The following DOCK1 variants were observed in gnomAD, a reference collection of about 807,000 sequenced individuals.
DOCK1 encodes dedicator of cytokinesis 1, also known as dedicator of cytokinesis protein 1.
In DOCK1, 138 loss-of-function variants were observed where a neutral mutation model predicts 262.7. The observed-to-expected ratio is 0.53, with a 90% confidence interval of 0.46 to 0.61. The LOEUF (loss-of-function observed/expected upper bound fraction) is 0.61, where lower values mean the gene tolerates loss of function less well. DOCK1 is among the 20% of genes least tolerant of loss of function. The probability of loss-of-function intolerance (pLI) is 0.00; values close to 1 mark genes in which losing one functional copy is unlikely to be tolerated. For synonymous variants in DOCK1, 866 were observed against 867.4 expected, an observed-to-expected ratio of 1.00 and a Z score of 0.03; for missense variants, 1,908 against 2,370.7, an observed-to-expected ratio of 0.80 and a Z score of 4.05.
chr10:127,380,631 C>G (rs2065775043), intron 36 of DOCK1, among the ~76,000 whole-genome samples: 1 of 152,102 alleles, frequency 6.6e-6, no homozygotes, highest in South Asian at 2.1e-4. Context: ...CGCCTTGCTC[C>G]CTGGAGTGAG....
rs566566203 is a variant in DOCK1 at position 127,429,786 on chromosome 10, C to A, written c.4915-3497C>A. Among the ~76,000 whole-genome samples the A allele has an allele frequency of 1.7e-4, 26 of 151,730 alleles. 1 individual carries two copies. In the South Asian group the frequency reaches 2.1e-3, roughly 12 times the overall value. ...TGAGCCCGTGAGCACCTGCCACGTT[C>A]GGCATTGGCCCCCGTGCCCTCACCG... On this transcript the variant is annotated intron_variant, in intron 47 of 51. Coordinates refer to ENST00000623213, the MANE Select transcript of DOCK1 (RefSeq NM_001290223.2).
Position 127,175,190 on chromosome 10 carries a change from A to C in DOCK1, c.2847+47426A>C, listed in dbSNP as rs1430661668. 6.3e-7 allele frequency: 1 copy of C among 1,583,664 alleles called. No homozygotes were observed. Among genetic ancestry groups the C allele is most frequent in the East Asian group, 2.2e-5 (1 of 44,678 alleles). ...GGTGATCAGCCTGCATAGCTTCCTAAGACATGGGTGAACATACATACCCTT... is the reference window on the plus strand; with the variant it reads ...GGTGATCAGCCTGCATAGCTTCCTACGACATGGGTGAACATACATACCCTT... On this transcript the variant is annotated intron_variant, in intron 27 of 51. Coordinates refer to ENST00000623213, the MANE Select transcript of DOCK1 (RefSeq NM_001290223.2). This position sits in a 1 kb window ranked among gnomAD's most constrained non-coding sequence, Gnocchi z 6.3.
chr10:127,402,107 G>C (rs568750365), intron 38 of DOCK1, among the ~76,000 whole-genome samples: 2 of 152,190 alleles, frequency 1.3e-5, no homozygotes, highest in African/African-American at 4.8e-5. Context: ...TGTTAAGCAG[G>C]CCCTGGATTA....
At chr10:127,301,516 G>T (rs75040368) in intron 29 of DOCK1, among the ~76,000 whole-genome samples, 16,610 of 152,240 alleles carry the variant, frequency 0.11, 1,150 homozygotes, top group African/African-American at 0.19. Flanking sequence ...TTGTCATGAG[G>T]AGAACAGGAA....
At chr10:126,951,934 C>G (rs1472125176) in intron 1 of DOCK1, among the ~76,000 whole-genome samples, 1 of 151,242 alleles carries the variant, frequency 6.6e-6, no homozygotes, top group African/African-American at 2.4e-5. Context: ...ACTGCAACCT[C>G]CGCCTCCTGG....
chr10:127,301,087 G>A (rs1449868469), intron 29 of DOCK1, among the ~76,000 whole-genome samples: 1 of 152,202 alleles, frequency 6.6e-6, no homozygotes, highest in Non-Finnish European at 1.5e-5. Context: ...ACGCATCAGT[G>A]CAATCAGAGC....
At chr10:126,963,544 T>G (rs2037386716) in intron 1 of DOCK1, among the ~76,000 whole-genome samples, 1 of 149,610 alleles carries the variant, frequency 6.7e-6, no homozygotes, top group African/African-American at 2.5e-5. Context: ...CTCCCTTCAC[T>G]TCCGTCCTTT....
chr10:127,096,333 A>C (rs757133811), intron 23 of DOCK1, among the ~76,000 whole-genome samples: 1 of 152,062 alleles, frequency 6.6e-6, no homozygotes, highest in Non-Finnish European at 1.5e-5. Flanking sequence ...GTCTTGGTGC[A>C]TTTTCCCCTA....
chr10:127,198,744 C>CTTTTTTTTT (rs3083933), intron 27 of DOCK1, among the ~76,000 whole-genome samples: 1 of 146,390 alleles, frequency 6.8e-6, no homozygotes. Context: ...GGCATCGCTT[C>CTTTTTTTTT]TTTTTTTTTT....
chr10:127,137,811 C>T (rs1592167145), intron 27 of DOCK1: 2 of 1,595,134 alleles, frequency 1.3e-6, no homozygotes, highest in Non-Finnish European at 8.5e-7. Flanking sequence ...CTAAAGACGG[C>T]CTCGAGACTC....
chr10:126,966,110 C>T (rs974610892), intron 1 of DOCK1, among the ~76,000 whole-genome samples: 5,457 of 152,240 alleles, frequency 0.036, 121 homozygotes, highest in African/African-American at 0.059. Context: ...TGAGTGAGAA[C>T]ATGTGGTGTT....
intron 4 of DOCK1, among the ~76,000 whole-genome samples, chr10:126,982,993 T>C (rs1451424980): frequency 6.6e-6 from 1 of 152,200 alleles, no homozygotes; most frequent in East Asian, 1.9e-4. Context: ...AAAATGTAAT[T>C]ATGAAGCATG....
intron 35 of DOCK1, among the ~76,000 whole-genome samples, chr10:127,376,563 C>T (rs1392040758): frequency 2.0e-5 from 3 of 152,280 alleles, no homozygotes; most frequent in South Asian, 2.1e-4. Context: ...TTCTGACCAA[C>T]GTTCAAAGTA....
intron 1 of DOCK1, among the ~76,000 whole-genome samples, chr10:126,961,574 T>C (rs1422591564): frequency 6.6e-6 from 1 of 152,224 alleles, no homozygotes; most frequent in Non-Finnish European, 1.5e-5. Context: ...AGGAACCTCA[T>C]GTAAGTGGAA....
intron 1 of DOCK1, among the ~76,000 whole-genome samples, chr10:126,957,013 T>G (rs1303888514): frequency 6.6e-6 from 1 of 151,994 alleles, no homozygotes; most frequent in Non-Finnish European, 1.5e-5. Flanking sequence ...GAACATGGGC[T>G]CTCCCTGGGC....
chr10:127,362,333 C>T (rs1391364668), intron 33 of DOCK1, 121 bp downstream of exon 33: 63 of 1,172,434 alleles, frequency 5.4e-5, no homozygotes, highest in Non-Finnish European at 3.4e-6. Context: ...ACACATTTTC[C>T]TACAGCTTGA....
intron 27 of DOCK1, among the ~76,000 whole-genome samples, chr10:127,197,549 G>A (rs2057260292): frequency 1.3e-5 from 2 of 152,148 alleles, no homozygotes; most frequent in South Asian, 2.1e-4. Flanking sequence ...AATGTAAGTA[G>A]CCACATTTAT....
chr10:126,966,386 C>G (rs2037678974), intron 1 of DOCK1, among the ~76,000 whole-genome samples: 1 of 152,182 alleles, frequency 6.6e-6, no homozygotes, highest in South Asian at 2.1e-4. Flanking sequence ...GTCTCTGATA[C>G]ACTGATTTCC....
chr10:127,427,760 A>G (rs2068917316), intron 47 of DOCK1, among the ~76,000 whole-genome samples: 1 of 152,222 alleles, frequency 6.6e-6, no homozygotes, highest in Non-Finnish European at 1.5e-5. Flanking sequence ...TAATTTGGTT[A>G]TGATCACACT....
Sources: gnomAD v4.1 joint callset for allele counts (sites outside exome capture counted in the v4.1 genomes callset) on GRCh38, gnomAD v4.1.1 for gene constraint, Gnocchi (gnomAD v3.1) non-coding constraint, MANE v1.5 for transcripts, NCBI Gene and HGNC (gene_info 2026-07-23, HGNC 2026-07-21) for gene names.